The following SSBP3 variants were observed in gnomAD, a reference collection of about 807,000 sequenced individuals.
SSBP3 encodes single stranded DNA binding protein 3.
SSBP3 carries 5 observed loss-of-function variants against 69.6 expected under a neutral mutation model. The ratio of observed to expected loss-of-function variants is 0.07; its 90% CI spans 0.04 to 0.15. The LOEUF is 0.15. SSBP3 is among the 10% of genes least tolerant of loss of function. The pLI is 1.00. For missense variants in SSBP3, 312 were observed against 534.0 expected (o/e 0.58, Z 4.10); for synonymous variants, 196 against 193.4 (o/e 1.01, Z -0.11).
chr1:54,372,425 C>A (rs943321814), intron 4 of SSBP3, among the ~76,000 whole-genome samples: 1 of 152,188 alleles, frequency 6.6e-6, no homozygotes. Context: ...AGCAGCAACA[C>A]CCCCTCCAGG....
intron 4 of SSBP3, among the ~76,000 whole-genome samples, chr1:54,296,677 G>A (rs6678619): frequency 0.22 from 33,710 of 152,194 alleles, 4,283 homozygotes; most frequent in East Asian, 0.55. Context: ...CGACTTGTGA[G>A]GGTCAAGTTT....
chr1:54,243,536 C>T (rs1644679636), intron 9 of SSBP3, among the ~76,000 whole-genome samples: 1 of 152,210 alleles, frequency 6.6e-6, no homozygotes, highest in Admixed American at 6.5e-5. Flanking sequence ...CAGGAGCTTT[C>T]AAGATGAAGT....
At chr1:54,393,286 T>G (rs1398866698) in intron 4 of SSBP3, among the ~76,000 whole-genome samples, 1 of 152,182 alleles carries the variant, frequency 6.6e-6, no homozygotes, top group Non-Finnish European at 1.5e-5. Context: ...GAGAACATAA[T>G]GTGACTTGCC....
chr1:54,404,698 C>A, intron 2 of SSBP3, 61 bp from the exon 3 acceptor site: 1 of 1,595,636 alleles, frequency 6.3e-7, no homozygotes, highest in Non-Finnish European at 8.6e-7. Context: ...TGGGGGCTTC[C>A]CAGAGCCAAA....
chr1:54,243,161 G>A, intron 10 of SSBP3, 74 bp downstream of exon 10: 3 of 1,367,486 alleles, frequency 2.2e-6, no homozygotes, highest in Non-Finnish European at 3.1e-6. Flanking sequence ...CTTATCATGA[G>A]TCTCCCAGGG....
At chr1:54,271,632 C>T (rs1327425111) in intron 5 of SSBP3, among the ~76,000 whole-genome samples, 3 of 152,216 alleles carry the variant, frequency 2.0e-5, no homozygotes, top group African/African-American at 7.2e-5. Flanking sequence ...TGGGTGCCCT[C>T]CCAACCCCAT....
At chr1:54,231,527 GTCCAGTTTGTCTACTTTTT>G (rs770795455) in intron 14 of SSBP3, among the ~76,000 whole-genome samples, 55 of 152,242 alleles carry the variant, frequency 3.6e-4, no homozygotes, top group Non-Finnish European at 7.1e-4. Flanking sequence ...CTCCGATGAA[GTCCAGTTTGTCTACTTTTT>G]TCTTTTGCTA....
rs543158271 is a variant in SSBP3, at chr1:54,306,904, A to C, written c.277-25377T>G. On this transcript the variant is annotated intron_variant, in intron 4 of 17. Coordinates refer to ENST00000610401, the Ensembl canonical transcript of SSBP3. Reference sequence around the variant, plus strand: ...AGTGGACAGAGGTGGCATGCGCCTAACACGAGGCTCTTTTTACTACAACTT... The same window carrying C: ...AGTGGACAGAGGTGGCATGCGCCTACCACGAGGCTCTTTTTACTACAACTT... 2.4e-4 allele frequency among the ~76,000 whole-genome samples: 36 copies of C among 152,304 alleles called. No homozygotes were observed. The East Asian group carries it at 6.8e-3, about 29-fold the overall frequency.
At chr1:54,365,751 C>T (rs1028673235) in intron 4 of SSBP3, among the ~76,000 whole-genome samples, 2 of 152,222 alleles carry the variant, frequency 1.3e-5, no homozygotes, top group African/African-American at 4.8e-5. Context: ...TTCTGCACAC[C>T]CTGCACCTTG....
intron 4 of SSBP3, among the ~76,000 whole-genome samples, chr1:54,323,184 A>G (rs1646244370): frequency 6.6e-6 from 1 of 152,180 alleles, no homozygotes. Flanking sequence ...AAGCTCCCAG[A>G]GCATTTGACT....
At chr1:54,251,881 A>G (rs1474597221) in intron 7 of SSBP3, 21 bp from the exon 8 acceptor site, 2 of 1,607,960 alleles carry the variant, frequency 1.2e-6, no homozygotes, top group East Asian at 2.2e-5. Context: ...TGCAAGACAC[A>G]AGCTGAGGAG....
intron 4 of SSBP3, among the ~76,000 whole-genome samples, chr1:54,386,179 T>C (rs890700636): frequency 1.3e-5 from 2 of 152,194 alleles, no homozygotes; most frequent in African/African-American, 2.4e-5. Flanking sequence ...ACAGGGATGC[T>C]GCTGTCCAGT....
intron 4 of SSBP3, among the ~76,000 whole-genome samples, chr1:54,365,658 G>A (rs1460983140): frequency 2.6e-5 from 4 of 152,038 alleles, no homozygotes; most frequent in South Asian, 2.1e-4. Context: ...CTTGTCTGCC[G>A]CAGTCACCCT....
At chr1:54,267,250 A>G (rs1645117584) in intron 5 of SSBP3, among the ~76,000 whole-genome samples, 1 of 152,194 alleles carries the variant, frequency 6.6e-6, no homozygotes, top group South Asian at 2.1e-4. Flanking sequence ...CGTGTATTCC[A>G]CATGTATCCA....
chr1:54,281,673 C>G (rs1283441875), intron 4 of SSBP3, 146 bp from the exon 5 acceptor site: 3 of 753,172 alleles, frequency 4.0e-6, no homozygotes. Context: ...GCCCTCCTAG[C>G]GTCCCAGGGA....
chr1:54,256,538 T>C (rs1644924239), intron 7 of SSBP3, among the ~76,000 whole-genome samples: 1 of 152,034 alleles, frequency 6.6e-6, no homozygotes, highest in African/African-American at 2.4e-5. Context: ...CTCCCCGTAA[T>C]CAGACCCCTT....
At position 54,261,669 on chromosome 1, in the gene SSBP3, C is replaced by T. The variant is rs1645019452; in HGVS notation, c.367-3520G>A. 2.6e-5 allele frequency among the ~76,000 whole-genome samples: 4 copies of T among 152,202 alleles called. No homozygotes were observed. The South Asian group carries it at 8.3e-4, about 32-fold the overall frequency. The stretch of plus-strand genomic sequence containing the variant: ...CAAAATGGGTGCATCTGGAGGGCTG[C>T]TTGGCCAGCAGGCCCAGCTCCATTT... On this transcript the variant is annotated intron_variant, in intron 5 of 17. Coordinates refer to ENST00000610401, the Ensembl canonical transcript of SSBP3.
intron 17 of SSBP3, 41 bp from the exon 18 acceptor site, chr1:54,227,201 T>C: frequency 9.9e-7 from 1 of 1,006,360 alleles, no homozygotes. Flanking sequence ...GTGAGGATTG[T>C]GGGGAGGCCG....
chr1:54,396,103 A>T (rs1387815524), intron 4 of SSBP3, among the ~76,000 whole-genome samples: 1 of 150,584 alleles, frequency 6.6e-6, no homozygotes. Context: ...GAGGCAGGAG[A>T]ATCACTTGAA....
Sources: allele counts gnomAD v4.1 joint callset (sites outside exome capture counted in the v4.1 genomes callset), GRCh38; gene constraint gnomAD v4.1.1; transcripts MANE v1.5; gene names NCBI Gene and HGNC (gene_info 2026-07-23, HGNC 2026-07-21).